Variants in LHFPL2 observed in about 807,000 individuals in gnomAD.
The protein encoded by LHFPL2 is LHFPL tetraspan subfamily member 2.
LHFPL2 carries 7 observed loss-of-function variants against 17.5 expected under a neutral mutation model. The observed-to-expected ratio is 0.40, with a 90% CI of 0.23 to 0.75. The LOEUF is 0.75. Among genes scored for constraint, LHFPL2 ranks in the 30% least tolerant of loss-of-function variants. The pLI, the probability that LHFPL2 is intolerant of heterozygous loss-of-function variation, is 0.37. For synonymous variants in LHFPL2, 134 were observed against 116.2 expected (o/e 1.15, Z -0.99); for missense variants, 241 against 294.8 (o/e 0.82, Z 1.34).
intron 2 of LHFPL2, among the ~76,000 whole-genome samples, chr5:78,574,669 C>T (rs1757084055): frequency 6.6e-6 from 1 of 152,232 alleles, no homozygotes; most frequent in African/African-American, 2.4e-5. Flanking sequence ...TGGTAAACAA[C>T]CACCTACAAT....
chr5:78,553,544 A>T (rs1282591090), intron 3 of LHFPL2, among the ~76,000 whole-genome samples: 1 of 152,230 alleles, frequency 6.6e-6, no homozygotes, highest in Non-Finnish European at 1.5e-5. Context: ...CACCCACTAC[A>T]TGACAAGAAT....
chr5:78,591,470 C>T (rs1226492652), intron 2 of LHFPL2, among the ~76,000 whole-genome samples: 3 of 152,068 alleles, frequency 2.0e-5, no homozygotes, highest in South Asian at 2.1e-4. Context: ...GGAGAAAAGA[C>T]GAGTCATAAT....
chr5:78,560,459 C>T (rs912872955), intron 3 of LHFPL2, among the ~76,000 whole-genome samples: 3 of 152,144 alleles, frequency 2.0e-5, no homozygotes, highest in South Asian at 2.1e-4. Flanking sequence ...ACTGATCTCC[C>T]GGGGCATAGC....
chr5:78,585,265 C>A (rs541469409), intron 2 of LHFPL2, among the ~76,000 whole-genome samples: 1 of 96,668 alleles, frequency 1.0e-5, no homozygotes, highest in East Asian at 2.7e-4. Context: ...CCTCGGCCTC[C>A]CAAAGTGCTG....
At chr5:78,539,388 CT>C (rs1223131551) in intron 3 of LHFPL2, among the ~76,000 whole-genome samples, 1 of 152,188 alleles carries the variant, frequency 6.6e-6, no homozygotes, top group Admixed American at 6.5e-5. Context: ...AAGTGAACCC[CT>C]CAAGACAACC....
At chr5:78,589,004 A>T (rs1743531592) in intron 2 of LHFPL2, among the ~76,000 whole-genome samples, 1 of 152,146 alleles carries the variant, frequency 6.6e-6, no homozygotes, top group Non-Finnish European at 1.5e-5. Context: ...GCCAACCATA[A>T]TGTGTGGCAG....
chr5:78,574,959 A>G (rs1359624607), intron 2 of LHFPL2, among the ~76,000 whole-genome samples: 1 of 152,178 alleles, frequency 6.6e-6, no homozygotes, highest in African/African-American at 2.4e-5. Context: ...GACCTCAGAG[A>G]GACTCTGGCC....
intron 4 of LHFPL2, among the ~76,000 whole-genome samples, chr5:78,500,056 C>A (rs571216429): frequency 2.1e-4 from 31 of 150,416 alleles, no homozygotes; most frequent in African/African-American, 7.1e-4. Flanking sequence ...AATCAACTGA[C>A]GACTTAGTTT....
Position 78,510,225 on chromosome 5 carries a change from G to C in LHFPL2, c.-12C>G. On this transcript the variant is annotated 5_prime_UTR_variant, in exon 4 of 5. Coordinates refer to ENST00000380345, the MANE Select transcript of LHFPL2 (RefSeq NM_005779.3). ...ATGACATGACACATATTGATGTTCCGGGCGAAGAAAGAGTCAGGAGTCCAC... is the reference window on the plus strand; with the variant it reads ...ATGACATGACACATATTGATGTTCCCGGCGAAGAAAGAGTCAGGAGTCCAC... The C allele has an allele frequency of 1.0e-5, 16 of 1,568,788 alleles. No individual in the cohort carries two copies. Among genetic ancestry groups the C allele is most frequent in the Non-Finnish European group, 1.4e-5 (16 of 1,154,602 alleles).
intron 2 of LHFPL2, among the ~76,000 whole-genome samples, chr5:78,597,892 C>A (rs1333182286): frequency 6.6e-6 from 1 of 152,178 alleles, no homozygotes; most frequent in African/African-American, 2.4e-5. Context: ...AATACAGACA[C>A]CTGGGTCCAC....
At position 78,609,450 on chromosome 5, in the gene LHFPL2, C is replaced by CAAAAA. The variant is rs71613975; in HGVS notation, c.-245+22809_-245+22813dup. ...TGGGAAACAGAGCGAGACTCAGTCT[C>CAAAAA]AAAAAAAAAAAAAAAAAAAAAAAAA... is the stretch of plus-strand genomic sequence containing the variant. On this transcript the variant is annotated intron_variant, in intron 2 of 4. Transcript: ENST00000380345. 2.0e-3 allele frequency among the ~76,000 whole-genome samples: 81 copies of CAAAAA among 40,648 alleles called. 2 individuals carry two copies. The highest frequency in any genetic ancestry group is 6.3e-3 in the African/African-American group (73 of 11,672). The allele number at this position is 40,648 out of a possible 152,430, so 26.7% of individuals were successfully genotyped here.
intron 4 of LHFPL2, among the ~76,000 whole-genome samples, chr5:78,492,848 G>A (rs934186465): frequency 1.3e-5 from 2 of 152,200 alleles, no homozygotes; most frequent in East Asian, 3.9e-4. Context: ...GCTGCAACCT[G>A]GGCAGCCAGC....
intron 3 of LHFPL2, among the ~76,000 whole-genome samples, chr5:78,538,132 G>C (rs1257742862): frequency 6.6e-6 from 1 of 152,162 alleles, no homozygotes; most frequent in Non-Finnish European, 1.5e-5. Context: ...GTTTTAACAA[G>C]ATCCCCAGGT....
At chr5:78,555,586 G>T (rs545991376) in intron 3 of LHFPL2, among the ~76,000 whole-genome samples, 1 of 152,224 alleles carries the variant, frequency 6.6e-6, no homozygotes. Flanking sequence ...TCTACTGGAA[G>T]TGGGGACCCA....
chr5:78,490,068 T>C (rs1754387379), intron 4 of LHFPL2, among the ~76,000 whole-genome samples: 1 of 152,252 alleles, frequency 6.6e-6, no homozygotes, highest in Non-Finnish European at 1.5e-5. Context: ...TACAAACAAA[T>C]TGCAAACTTT....
chr5:78,644,614 A>T, intron 1 of LHFPL2: 1 of 423,738 alleles, frequency 2.4e-6, no homozygotes, highest in Non-Finnish European at 4.4e-6. Context: ...TTTAGGAAGG[A>T]CATAGGTTTT....
At chr5:78,510,545 C>T (rs1755085653) in intron 3 of LHFPL2, 147 bp from the exon 4 acceptor site, 1 of 335,150 alleles carries the variant, frequency 3.0e-6, no homozygotes, top group African/African-American at 2.2e-5. Flanking sequence ...GGTTGTTGCA[C>T]TGGCTGCGTT....
At chr5:78,588,045 G>A (rs993739343) in intron 2 of LHFPL2, among the ~76,000 whole-genome samples, 15 of 152,208 alleles carry the variant, frequency 9.9e-5, no homozygotes, top group African/African-American at 2.9e-4. Context: ...TAGATGCATT[G>A]GTACTTTTCC....
chr5:78,557,236 T>TATAG (rs1756595198), intron 3 of LHFPL2, among the ~76,000 whole-genome samples: 2 of 152,288 alleles, frequency 1.3e-5, no homozygotes, highest in South Asian at 4.2e-4. Context: ...GAAAGAAAGG[T>TATAG]ATAGCTTCTA....
Sources: gnomAD v4.1 joint callset for allele counts (sites outside exome capture counted in the v4.1 genomes callset) on GRCh38, gnomAD v4.1.1 for gene constraint, MANE v1.5 for transcripts, NCBI Gene and HGNC (gene_info 2026-07-23, HGNC 2026-07-21) for gene names.